Variants in ANKFN1 observed in about 807,000 individuals in gnomAD.
The protein encoded by ANKFN1 is ankyrin repeat and fibronectin type III domain containing 1, also known as ankyrin repeat and fibronectin type-III domain-containing protein 1.
ANKFN1 carries 74 observed loss-of-function variants against 108.7 expected under a neutral mutation model. That is an observed-to-expected ratio of 0.68 (90% CI 0.56 to 0.83). The LOEUF is 0.83. ANKFN1 is among the 40% of genes least tolerant of loss of function. The pLI, the probability that ANKFN1 is intolerant of heterozygous loss-of-function variation, is 0.00. For missense variants in ANKFN1, 1,505 were observed against 1,382.3 expected, an observed-to-expected ratio of 1.09 and a Z score of -1.41; for synonymous variants, 547 against 516.2, an observed-to-expected ratio of 1.06 and a Z score of -0.81.
chr17:56,209,576 C>G (rs546906256), intron 1 of ANKFN1, among the ~76,000 whole-genome samples: 1 of 152,292 alleles, frequency 6.6e-6, no homozygotes, highest in Admixed American at 6.5e-5. Flanking sequence ...TTATCTGAAA[C>G]AGAGTCTCCT....
intron 3 of ANKFN1, among the ~76,000 whole-genome samples, chr17:56,233,809 G>A (rs181837096): frequency 6.6e-6 from 1 of 151,992 alleles, no homozygotes; most frequent in South Asian, 2.1e-4. Flanking sequence ...ATTTATGATT[G>A]ATGAATGAAT....
intron 4 of ANKFN1, among the ~76,000 whole-genome samples, chr17:56,125,445 A>G (rs1486879249): frequency 6.6e-6 from 1 of 152,244 alleles, no homozygotes; most frequent in Non-Finnish European, 1.5e-5. Flanking sequence ...TGAAGGTCTC[A>G]TAGAAGAAAT....
In ANKFN1 at chr17:56,513,060, G is replaced by T. The variant is rs1029916868; in HGVS notation, c.*1791G>T. On this transcript the variant is annotated 3_prime_UTR_variant, in exon 21 of 21. Coordinates refer to ENST00000682825, the MANE Select transcript of ANKFN1 (RefSeq NM_001370326.1). ...AAAATTTATCTAAGTCCGTGGGTTT[G>T]CAGGTAGGGCAATTAAGACCCAGAG... is the stretch of plus-strand genomic sequence containing the variant. Among the ~76,000 whole-genome samples, 3 of 152,214 alleles carry T rather than the reference G, an allele frequency of 2.0e-5. No homozygotes were observed. The highest frequency in any genetic ancestry group is 4.4e-5 in the Non-Finnish European group (3 of 68,046).
intron 3 of ANKFN1, among the ~76,000 whole-genome samples, chr17:56,280,636 A>T (rs1270403715): frequency 1.3e-5 from 2 of 152,182 alleles, no homozygotes; most frequent in African/African-American, 4.8e-5. Flanking sequence ...TAAATCTCCG[A>T]TATATCTATA....
chr17:56,213,043 G>A (rs1408644915), intron 2 of ANKFN1, among the ~76,000 whole-genome samples: 3 of 151,796 alleles, frequency 2.0e-5, no homozygotes, highest in Non-Finnish European at 4.4e-5. Flanking sequence ...TAACTTATTA[G>A]GATTGAGATG....
intron 1 of ANKFN1, among the ~76,000 whole-genome samples, chr17:56,170,555 G>T (rs1265173942): frequency 6.6e-6 from 1 of 151,498 alleles, no homozygotes; most frequent in Non-Finnish European, 1.5e-5. Context: ...CTGAGGTCAG[G>T]GGTTCAAGAC....
intron 1 of ANKFN1, among the ~76,000 whole-genome samples, chr17:56,197,458 C>T (rs575491808): frequency 2.0e-5 from 3 of 152,280 alleles, no homozygotes; most frequent in East Asian, 1.9e-4. Context: ...TACAAACCAT[C>T]GGATGGAGGT....
rs868189161 is a variant in ANKFN1 at position 56,046,505 on chromosome 17, C to T, written c.288+180C>T. Among the ~76,000 whole-genome samples, 8 of 151,914 alleles carry T rather than the reference C, an allele frequency of 5.3e-5. No homozygotes were observed. In the Middle Eastern group the frequency reaches 0.01, roughly 194 times the overall value. On this transcript the variant is annotated intron_variant, in intron 4 of 12. Transcript: ENST00000635860. Reference sequence around the variant, plus strand: ...GTGCCCACACGCACTTGCATTTTCTCTGCAGATTATAAAAAAAAAATCAGC... The same window carrying T: ...GTGCCCACACGCACTTGCATTTTCTTTGCAGATTATAAAAAAAAAATCAGC...
chr17:56,266,131 A>G (rs1327503979), intron 3 of ANKFN1, among the ~76,000 whole-genome samples: 1 of 152,206 alleles, frequency 6.6e-6, no homozygotes, highest in Non-Finnish European at 1.5e-5. Flanking sequence ...AACACTGTTT[A>G]TCTGGGCATT....
chr17:56,245,304 G>A (rs1324157712), intron 3 of ANKFN1, among the ~76,000 whole-genome samples: 1 of 152,030 alleles, frequency 6.6e-6, no homozygotes, highest in Non-Finnish European at 1.5e-5. Flanking sequence ...CAGGTAGACA[G>A]TGAATCTAGT....
chr17:56,467,801 A>G (rs1417686945), intron 15 of ANKFN1, among the ~76,000 whole-genome samples: 1 of 30,648 alleles, frequency 3.3e-5, no homozygotes, highest in Admixed American at 4.3e-4. Context: ...GAAGAAAGAA[A>G]GAAAGAAAGA....
At chr17:56,111,274 C>T (rs1905944851) in intron 4 of ANKFN1, among the ~76,000 whole-genome samples, 1 of 152,176 alleles carries the variant, frequency 6.6e-6, no homozygotes, top group African/African-American at 2.4e-5. Flanking sequence ...TGATCACTTT[C>T]TCCCTGGTTA....
intron 3 of ANKFN1, among the ~76,000 whole-genome samples, chr17:56,288,641 C>G (rs1424194340): frequency 1.3e-5 from 2 of 152,106 alleles, no homozygotes; most frequent in African/African-American, 4.8e-5. Context: ...ACTTACCCTA[C>G]AAGAGTCCAC....
chr17:56,132,636 T>C (rs1423102551), intron 4 of ANKFN1, among the ~76,000 whole-genome samples: 1 of 152,132 alleles, frequency 6.6e-6, no homozygotes. Flanking sequence ...ATGGGTTGCT[T>C]ATAAGTAACA....
At chr17:56,084,227 G>A (rs1027797678) in intron 4 of ANKFN1, among the ~76,000 whole-genome samples, 2 of 151,296 alleles carry the variant, frequency 1.3e-5, no homozygotes, top group Non-Finnish European at 3.0e-5. Context: ...GAAGGCAAAT[G>A]GCCACCTCAG....
At chr17:56,100,886 T>C (rs1905634118) in intron 4 of ANKFN1, among the ~76,000 whole-genome samples, 1 of 152,224 alleles carries the variant, frequency 6.6e-6, no homozygotes, top group South Asian at 2.1e-4. Context: ...AACACAGAAC[T>C]CTTTAGAGAG....
chr17:56,118,332 ACAT>A (rs1480190143), intron 4 of ANKFN1, among the ~76,000 whole-genome samples: 1 of 152,150 alleles, frequency 6.6e-6, no homozygotes, highest in Non-Finnish European at 1.5e-5. Context: ...AGTAGCCACA[ACAT>A]AGTACATTTC....
chr17:56,051,698 G>C lies in ANKFN1; in HGVS notation c.288+5373G>C, dbSNP rs915680775. On this transcript the variant is annotated intron_variant, in intron 4 of 12. Coordinates refer to the ANKFN1 transcript ENST00000635860. ...TTGTCTCAGCCCAAAATCTCCTTAA[G>C]CTGATAAGCAACTTCAGCAAAGTCT... Among the ~76,000 whole-genome samples the C allele has an allele frequency of 4.0e-3, 558 of 138,508 alleles. 1 individual carries two copies. The highest frequency in any genetic ancestry group is 6.5e-3 in the Non-Finnish European group (416 of 63,814). 90.9% of individuals were successfully genotyped at this position (138,508 alleles called of 152,430 possible).
At chr17:56,099,519 T>A (rs922614331) in intron 4 of ANKFN1, among the ~76,000 whole-genome samples, 1 of 151,980 alleles carries the variant, frequency 6.6e-6, no homozygotes, top group Non-Finnish European at 1.5e-5. Flanking sequence ...GATTAAGTGC[T>A]TACTAGATTT....
Sources: gnomAD v4.1 joint callset for allele counts (sites outside exome capture counted in the v4.1 genomes callset) on GRCh38, gnomAD v4.1.1 for gene constraint, MANE v1.5 for transcripts, NCBI Gene and HGNC (gene_info 2026-07-23, HGNC 2026-07-21) for gene names.